IMMP2L: variants seen among roughly 807,000 people sequenced by gnomAD.
The protein encoded by IMMP2L is inner mitochondrial membrane peptidase subunit 2.
A neutral mutation model predicts 19.3 loss-of-function variants in IMMP2L; 18 were observed. The ratio of observed to expected loss-of-function variants is 0.93; its 90% CI spans 0.64 to 1.38. The LOEUF (loss-of-function observed/expected upper bound fraction) is 1.38. Among genes scored for constraint, IMMP2L ranks in the 40% most tolerant of loss-of-function variants. IMMP2L has a pLI of 0.00. For missense variants in IMMP2L, 233 were observed against 218.2 expected, an observed-to-expected ratio of 1.07 and a Z score of -0.43; for synonymous variants, 76 against 73.0, an observed-to-expected ratio of 1.04 and a Z score of -0.21.
chr7:110,994,914 T>C (rs879596810), intron 3 of IMMP2L, among the ~76,000 whole-genome samples: 2 of 152,060 alleles, frequency 1.3e-5, no homozygotes, highest in Non-Finnish European at 2.9e-5. Flanking sequence ...GAAAGGAACA[T>C]GGTGGCAAGA....
chr7:111,327,914 C>A (rs977499710), intron 3 of IMMP2L, among the ~76,000 whole-genome samples: 1 of 151,574 alleles, frequency 6.6e-6, no homozygotes, highest in African/African-American at 2.4e-5. Flanking sequence ...TAACTACATA[C>A]CTGAATCACC....
At chr7:110,954,630 A>G (rs901533462) in intron 4 of IMMP2L, among the ~76,000 whole-genome samples, 14 of 152,106 alleles carry the variant, frequency 9.2e-5, no homozygotes, top group African/African-American at 3.1e-4. Context: ...TTGATGAGGA[A>G]GATTTAATTT....
chr7:111,058,100 G>T (rs1793678592), intron 3 of IMMP2L, among the ~76,000 whole-genome samples: 1 of 151,922 alleles, frequency 6.6e-6, no homozygotes, highest in African/African-American at 2.4e-5. Flanking sequence ...AAATTATAAT[G>T]CCTTAAATTT....
At chr7:111,327,674 T>C (rs1042869340) in intron 3 of IMMP2L, among the ~76,000 whole-genome samples, 1 of 151,686 alleles carries the variant, frequency 6.6e-6, no homozygotes, top group African/African-American at 2.4e-5. Flanking sequence ...TTTTCAGAAA[T>C]AAGTTAGAGG....
chr7:110,964,805 C>A (rs1819361214), intron 3 of IMMP2L, among the ~76,000 whole-genome samples: 1 of 151,908 alleles, frequency 6.6e-6, no homozygotes, highest in Admixed American at 6.6e-5. Context: ...TTTCCTCCAA[C>A]ATCTCTTTCA....
At chr7:110,983,521 C>T (rs1206678500) in intron 3 of IMMP2L, among the ~76,000 whole-genome samples, 1 of 151,990 alleles carries the variant, frequency 6.6e-6, no homozygotes, top group Non-Finnish European at 1.5e-5. Flanking sequence ...AACACCATCA[C>T]CAGGAGTCAC....
chr7:111,196,458 T>C (rs969210574), intron 3 of IMMP2L, among the ~76,000 whole-genome samples: 2 of 152,186 alleles, frequency 1.3e-5, no homozygotes, highest in Non-Finnish European at 2.9e-5. Context: ...CTAAAGCATC[T>C]TACAATCATT....
intron 5 of IMMP2L, among the ~76,000 whole-genome samples, chr7:110,779,539 G>C (rs561267072): frequency 3.4e-4 from 52 of 151,972 alleles, no homozygotes; most frequent in African/African-American, 1.2e-3. Context: ...ATGTGCTACT[G>C]TGTGTAGCTA....
At chr7:110,744,733 C>T (rs771470101) in intron 5 of IMMP2L, among the ~76,000 whole-genome samples, 1 of 152,122 alleles carries the variant, frequency 6.6e-6, no homozygotes, top group Non-Finnish European at 1.5e-5. Context: ...CACTCAGAGA[C>T]CCCATCTGAA....
chr7:111,398,496 T>C, intron 3 of IMMP2L, among the ~76,000 whole-genome samples: 1 of 152,086 alleles, frequency 6.6e-6, no homozygotes, highest in Non-Finnish European at 1.5e-5. Flanking sequence ...AAGCCATTTA[T>C]GACAAACCCA....
chr7:111,470,808 T>A (rs1841186068), intron 3 of IMMP2L, among the ~76,000 whole-genome samples: 1 of 150,936 alleles, frequency 6.6e-6, no homozygotes, highest in South Asian at 2.1e-4. Flanking sequence ...CACACCAGCA[T>A]GGCACATGTA....
At chr7:111,489,046 T>TA (rs1479711132) in intron 2 of IMMP2L, among the ~76,000 whole-genome samples, 1 of 138,652 alleles carries the variant, frequency 7.2e-6, no homozygotes. Flanking sequence ...CTTTTTTTTT[T>TA]TTTTTTTTTT....
At chr7:110,859,544 A>G (rs1226465224) in intron 5 of IMMP2L, among the ~76,000 whole-genome samples, 1 of 151,792 alleles carries the variant, frequency 6.6e-6, no homozygotes, top group Non-Finnish European at 1.5e-5. Context: ...GGAGTTCGAG[A>G]CTAGCCTGGG....
At chr7:111,379,561 T>C (rs1831002418) in intron 3 of IMMP2L, among the ~76,000 whole-genome samples, 1 of 151,752 alleles carries the variant, frequency 6.6e-6, no homozygotes, top group Admixed American at 6.6e-5. Context: ...ATAATTCCCT[T>C]ATCAAGTGAA....
chr7:110,980,201 C>T (rs1039440918), intron 3 of IMMP2L, among the ~76,000 whole-genome samples: 1 of 141,492 alleles, frequency 7.1e-6, no homozygotes, highest in Non-Finnish European at 1.5e-5. Flanking sequence ...CATTAACTGG[C>T]TTATATGACT....
chr7:111,366,196 A>C (rs980981223), intron 3 of IMMP2L, among the ~76,000 whole-genome samples: 10 of 152,038 alleles, frequency 6.6e-5, no homozygotes, highest in African/African-American at 2.2e-4. Flanking sequence ...TACCTTGACC[A>C]GATAAATACT....
intron 3 of IMMP2L, among the ~76,000 whole-genome samples, chr7:111,478,315 T>C (rs557827600): frequency 6.6e-6 from 1 of 152,302 alleles, no homozygotes; most frequent in African/African-American, 2.4e-5. Flanking sequence ...CTAGAATTTC[T>C]TTAAATTATT....
At chr7:111,286,946 T>C (rs1437966677) in intron 3 of IMMP2L, among the ~76,000 whole-genome samples, 1 of 152,138 alleles carries the variant, frequency 6.6e-6, no homozygotes, top group Non-Finnish European at 1.5e-5. Context: ...TAAGACACCC[T>C]TAGAATAATT....
intron 3 of IMMP2L, among the ~76,000 whole-genome samples, chr7:111,459,502 TAAAC>T (rs958461519): frequency 9.2e-5 from 14 of 152,254 alleles, no homozygotes; most frequent in South Asian, 4.1e-4. Flanking sequence ...TTACAAATGA[TAAAC>T]AAACATTCCT....
Sources: allele counts gnomAD v4.1 joint callset (sites outside exome capture counted in the v4.1 genomes callset), GRCh38; gene constraint gnomAD v4.1.1; transcripts MANE v1.5; gene names NCBI Gene and HGNC (gene_info 2026-07-23, HGNC 2026-07-21).